Variants in MET observed in about 807,000 individuals in gnomAD.
The protein encoded by MET is MET proto-oncogene, receptor tyrosine kinase.
A neutral mutation model predicts 133.1 loss-of-function variants in MET; 48 were observed. The ratio of observed to expected loss-of-function variants is 0.36; its 90% confidence interval spans 0.29 to 0.46. The LOEUF (loss-of-function observed/expected upper bound fraction) is 0.46. Ranked by LOEUF, MET falls within the 20% of genes least tolerant of loss-of-function variation. The pLI is 1.00. For synonymous variants in MET, 628 were observed against 616.5 expected, an observed-to-expected ratio of 1.02 and a Z score of -0.28; for missense variants, 1,442 against 1,695.9, an observed-to-expected ratio of 0.85 and a Z score of 2.63.
intron 1 of MET, among the ~76,000 whole-genome samples, chr7:116,691,147 C>T (rs559629856): frequency 6.6e-6 from 1 of 152,272 alleles, no homozygotes; most frequent in Non-Finnish European, 1.5e-5. Flanking sequence ...CTTTCTTGCA[C>T]TTAAAAGCAA....
At chr7:116,690,661 A>C (rs1403329924) in intron 1 of MET, among the ~76,000 whole-genome samples, 2 of 152,242 alleles carry the variant, frequency 1.3e-5, no homozygotes, top group African/African-American at 4.8e-5. Context: ...CATAAGAATC[A>C]AGCATTCAAC....
chr7:116,739,356 T>G (rs990725522), intron 3 of MET, among the ~76,000 whole-genome samples: 1 of 151,552 alleles, frequency 6.6e-6, no homozygotes, highest in Non-Finnish European at 1.5e-5. Context: ...AGAAGCAGAG[T>G]TTTATAATCC....
chr7:116,777,852 C>G (rs1795041851), intron 16 of MET, among the ~76,000 whole-genome samples: 1 of 152,100 alleles, frequency 6.6e-6, no homozygotes, highest in African/African-American at 2.4e-5. Context: ...TATTTTTTAA[C>G]CACAACTTCC....
In MET at chr7:116,700,099, G is replaced by A. The variant is rs1463245808; in HGVS notation, c.1015G>A (p.Asp339Asn). 2 of 1,610,656 alleles carry A rather than the reference G, an allele frequency of 1.2e-6. No individual in the cohort carries two copies. The highest frequency in any genetic ancestry group is 1.7e-6 in the Non-Finnish European group (2 of 1,178,706). ...TAGACAAATAGGAGCCAGCCTGAAT[G>A]ATGACATTCTTTTCGGGGTGTTCGC... ...LARQIGASLN[D>N]DILFGVFAQS... Residue 339 changes from aspartate (D) to asparagine (N), a missense_variant, in exon 2 of 21, where the codon GAT becomes AAT. Transcript: ENST00000397752.
At chr7:116,696,257 C>G (rs1783939164) in intron 1 of MET, among the ~76,000 whole-genome samples, 1 of 152,112 alleles carries the variant, frequency 6.6e-6, no homozygotes, top group African/African-American at 2.4e-5. Flanking sequence ...ATTCTGATAA[C>G]TGTTAACCAT....
intron 19 of MET, among the ~76,000 whole-genome samples, chr7:116,788,261 C>A (rs1795377896): frequency 6.6e-6 from 1 of 152,160 alleles, no homozygotes. Flanking sequence ...GATATGATAG[C>A]TGCACGTCTA....
intron 1 of MET, among the ~76,000 whole-genome samples, chr7:116,673,487 T>G (rs1444304903): frequency 6.6e-6 from 1 of 152,246 alleles, no homozygotes; most frequent in African/African-American, 2.4e-5. Flanking sequence ...TTGTAAGAAC[T>G]GACGTTGGAG....
chr7:116,729,251 CTA>C (rs1792904328), intron 2 of MET, among the ~76,000 whole-genome samples: 3 of 152,182 alleles, frequency 2.0e-5, no homozygotes, highest in Non-Finnish European at 4.4e-5. Flanking sequence ...AAGTAAATGA[CTA>C]GACCTAAAAC....
intron 1 of MET, among the ~76,000 whole-genome samples, chr7:116,688,113 A>G (rs1256817092): frequency 1.3e-5 from 2 of 152,196 alleles, no homozygotes; most frequent in African/African-American, 2.4e-5. Context: ...ATTCGTGAGT[A>G]ATGTACCAGC....
intron 11 of MET, among the ~76,000 whole-genome samples, chr7:116,764,567 T>A (rs1794544413): frequency 6.6e-6 from 1 of 152,136 alleles, no homozygotes; most frequent in African/African-American, 2.4e-5. Flanking sequence ...GGATTAGAGA[T>A]AAACGGTTCT....
intron 11 of MET, among the ~76,000 whole-genome samples, chr7:116,768,437 TTG>T (rs1794710184): frequency 6.6e-6 from 1 of 152,188 alleles, no homozygotes; most frequent in Admixed American, 6.6e-5. Context: ...AGCTTCTGTG[TTG>T]TGTTGGCCTG....
intron 3 of MET, among the ~76,000 whole-genome samples, chr7:116,735,929 A>G (rs1167927177): frequency 6.6e-6 from 1 of 151,764 alleles, no homozygotes; most frequent in Non-Finnish European, 1.5e-5. Flanking sequence ...GGCACGTACC[A>G]CCATGCCCAG....
At chr7:116,765,302 A>C (rs1794580169) in intron 11 of MET, among the ~76,000 whole-genome samples, 2 of 151,780 alleles carry the variant, frequency 1.3e-5, no homozygotes, top group Non-Finnish European at 2.9e-5. Flanking sequence ...AAAAAAAAAA[A>C]AAAAAACCAC....
intron 6 of MET, among the ~76,000 whole-genome samples, chr7:116,756,973 G>A (rs1794202063): frequency 6.6e-6 from 1 of 151,910 alleles, no homozygotes; most frequent in Non-Finnish European, 1.5e-5. Flanking sequence ...TTACGCCTGT[G>A]ATCCCAGCAC....
intron 4 of MET, among the ~76,000 whole-genome samples, chr7:116,740,455 G>A (rs938651757): frequency 6.6e-6 from 1 of 152,198 alleles, no homozygotes; most frequent in Non-Finnish European, 1.5e-5. Context: ...AGAAGAAAGT[G>A]CATCTTGATG....
rs2116581752 is a variant in MET, at chr7:116,699,241, C to A, written c.157C>A (p.Gln53Lys). 1 of 1,613,982 alleles carries A rather than the reference C, an allele frequency of 6.2e-7. No individual in the cohort carries two copies. Among genetic ancestry groups the A allele is most frequent in the South Asian group, 1.1e-5 (1 of 91,084 alleles). Residue 53 changes from glutamine (Q) to lysine (K), a missense_variant, in exon 2 of 21, where the codon CAG (glutamine) becomes AAG (lysine). Around this residue, in one of 6 missense-constraint regions of MET, gnomAD observed 762 missense variants for 792.4 expected, o/e 0.96. Coordinates refer to ENST00000397752, the MANE Select transcript of MET (RefSeq NM_000245.4). ...CAACTTCACCGCGGAAACACCCATC[C>A]AGAATGTCATTCTACATGAGCATCA... ...LPNFTAETPI[Q>K]NVILHEHHIF... is the part of the protein sequence containing the mutation.
chr7:116,688,562 C>T (rs1796658722), intron 1 of MET, among the ~76,000 whole-genome samples: 1 of 152,174 alleles, frequency 6.6e-6, no homozygotes. Flanking sequence ...ATTTTCTGAA[C>T]AATATTTTTT....
At chr7:116,712,970 C>T (rs1021388112) in intron 2 of MET, among the ~76,000 whole-genome samples, 1 of 152,140 alleles carries the variant, frequency 6.6e-6, no homozygotes, top group African/African-American at 2.4e-5. Context: ...AGGGACTTTA[C>T]GCAATGCTTT....
chr7:116,796,257 A>G lies in MET; in HGVS notation c.*133A>G. The stretch of plus-strand genomic sequence containing the variant: ...TTATAGGACTTGTATTGTTATTTAA[A>G]TTACTGGATTCTAAGGAATTTCTTA... On this transcript the variant is annotated 3_prime_UTR_variant, in exon 21 of 21. Transcript: ENST00000397752. 1.2e-6 allele frequency: 1 copy of G among 842,110 alleles called. No individual in the cohort carries two copies. The highest frequency in any genetic ancestry group is 2.0e-6 in the Non-Finnish European group (1 of 504,824). 52.2% of individuals were successfully genotyped at this position (842,110 alleles called of 1,614,324 possible).
Sources: gnomAD v4.1 joint callset for allele counts (sites outside exome capture counted in the v4.1 genomes callset) on GRCh38, gnomAD v4.1.1 for gene constraint, gnomAD v4.1.1 regional missense constraint, MANE v1.5 for transcripts, NCBI Gene and HGNC (gene_info 2026-07-23, HGNC 2026-07-21) for gene names.